DENND2B: variants seen among roughly 807,000 people sequenced by gnomAD.
DENND2B encodes DENN domain containing 2B, also known as DENN domain-containing protein 2B.
DENND2B carries 32 observed loss-of-function variants against 116.0 expected under a neutral mutation model. The observed-to-expected ratio is 0.28, with a 90% CI of 0.21 to 0.37. The LOEUF (loss-of-function observed/expected upper bound fraction) is 0.37. Among genes scored for constraint, DENND2B ranks in the 10% least tolerant of loss-of-function variants. DENND2B has a pLI of 1.00. For missense variants in DENND2B, 1,276 were observed against 1,477.7 expected, an observed-to-expected ratio of 0.86 and a Z score of 2.24; for synonymous variants, 588 against 583.9, an observed-to-expected ratio of 1.01 and a Z score of -0.10.
chr11:8,787,686 T>G (rs2059036692), intron 1 of DENND2B, among the ~76,000 whole-genome samples: 1 of 152,256 alleles, frequency 6.6e-6, no homozygotes, highest in African/African-American at 2.4e-5. Flanking sequence ...GACTCCTGTT[T>G]GCTTCAGAAT....
chr11:8,739,007 C>G (rs945230833), intron 2 of DENND2B, among the ~76,000 whole-genome samples: 2 of 152,338 alleles, frequency 1.3e-5, no homozygotes, highest in Admixed American at 1.3e-4. Flanking sequence ...CCTTACTAGA[C>G]TATGAGTGAG....
At chr11:8,894,655 C>T (rs2064077117) in intron 1 of DENND2B, among the ~76,000 whole-genome samples, 1 of 152,096 alleles carries the variant, frequency 6.6e-6, no homozygotes, top group East Asian at 1.9e-4. Flanking sequence ...AAAATGCTCA[C>T]CATCACTGGC....
intron 1 of DENND2B, among the ~76,000 whole-genome samples, chr11:8,797,204 G>A (rs539621547): frequency 6.6e-6 from 1 of 152,212 alleles, no homozygotes; most frequent in East Asian, 1.9e-4. Flanking sequence ...ATCATTGTAA[G>A]GATTTACTAA....
At chr11:8,796,216 A>G (rs1457499399) in intron 1 of DENND2B, among the ~76,000 whole-genome samples, 1 of 152,178 alleles carries the variant, frequency 6.6e-6, no homozygotes, top group East Asian at 1.9e-4. Context: ...TTCACTACTG[A>G]TAGAATCCAA....
In DENND2B at chr11:8,730,527, G is replaced by A. The variant is rs777038380; in HGVS notation, c.763C>T (p.Arg255Trp). Residue 255 changes from arginine to tryptophan, a missense_variant, in exon 3 of 20, where the codon CGG (arginine) becomes TGG (tryptophan). By Grantham distance (101) the Arg-to-Trp change is moderately radical. Around this residue, in one of 2 missense-constraint regions of DENND2B, gnomAD observed 856 missense variants for 846.6 expected, o/e 1.01. Coordinates refer to ENST00000313726, the MANE Select transcript of DENND2B (RefSeq NM_213618.2). The surrounding 1 kb of genome is among the most constrained non-coding windows in gnomAD (Gnocchi z 4.1). ...EALPVRDSFY[R>W]LEKRLGRSEP... ...CTCCGGCCCAGCCGTTTCTCCAGCCGGTAGAAAGAGTCCCGGACAGGGAGC... is the reference window on the plus strand; with the variant it reads ...CTCCGGCCCAGCCGTTTCTCCAGCCAGTAGAAAGAGTCCCGGACAGGGAGC... The A allele has an allele frequency of 8.7e-6, 14 of 1,612,994 alleles. No individual in the cohort carries two copies. The highest frequency in any genetic ancestry group is 8.0e-5 in the African/African-American group (6 of 74,938).
Position 8,778,200 on chromosome 11 carries a change from T to C in DENND2B, c.-25-27475A>G, listed in dbSNP as rs118128143. Among the ~76,000 whole-genome samples the C allele has an allele frequency of 4.5e-4, 68 of 152,292 alleles. No homozygotes were observed. The East Asian group carries it at 0.013, about 28-fold the overall frequency. ...GGCCCTTGGATCACCAGCAACTAGC[T>C]CGAAAGAGTCTGCCTAATGAGGACT... On this transcript the variant is annotated intron_variant, in intron 1 of 19. Transcript: ENST00000313726.
chr11:8,821,328 C>T (rs916896818), intron 4 of DENND2B, among the ~76,000 whole-genome samples: 2 of 150,572 alleles, frequency 1.3e-5, no homozygotes, highest in African/African-American at 2.4e-5. Flanking sequence ...CTGGCTCACA[C>T]CAGTAATCCC....
intron 1 of DENND2B, chr11:8,784,050 GGTGAGCGAAGTGT>G (rs2058654192): frequency 6.6e-6 from 1 of 152,174 alleles, no homozygotes; most frequent in South Asian, 2.1e-4. Flanking sequence ...CAGCTCCTTT[GGTGAGCGAAGTGT>G]GTGAGCGAAG....
chr11:8,876,426 G>C (rs2063841872), intron 2 of DENND2B, among the ~76,000 whole-genome samples: 1 of 151,980 alleles, frequency 6.6e-6, no homozygotes, highest in African/African-American at 2.4e-5. Flanking sequence ...ACCATGCAGT[G>C]CCTTTTGTTC....
At chr11:8,859,644 T>C (rs1470199815) in intron 2 of DENND2B, among the ~76,000 whole-genome samples, 1 of 152,218 alleles carries the variant, frequency 6.6e-6, no homozygotes, top group Non-Finnish European at 1.5e-5. Flanking sequence ...GATTATATCA[T>C]GTATATTTCA....
chr11:8,702,907 C>A lies in DENND2B; in HGVS notation c.2572-187G>T. 2 of 720,154 alleles carry A rather than the reference C, an allele frequency of 2.8e-6. No individual in the cohort carries two copies. The highest frequency in any genetic ancestry group is 4.4e-6 in the Non-Finnish European group (2 of 456,402). The allele number at this position is 720,154 out of a possible 1,614,324, so 44.6% of individuals were successfully genotyped here. Reference sequence around the variant, plus strand: ...ACTACAGCTCTGCTCTCGTAGCACTCGAACACCCAGCCTGTGGGCAAGAGG... The same window carrying A: ...ACTACAGCTCTGCTCTCGTAGCACTAGAACACCCAGCCTGTGGGCAAGAGG... On this transcript the variant is annotated intron_variant, in intron 13 of 19. Coordinates refer to ENST00000313726, the MANE Select transcript of DENND2B (RefSeq NM_213618.2). This position sits in a 1 kb window ranked among gnomAD's most constrained non-coding sequence, Gnocchi z 4.6.
intron 14 of DENND2B, chr11:8,700,069 G>GC: frequency 6.6e-6 from 3 of 451,838 alleles, no homozygotes; most frequent in South Asian, 3.1e-5. Context: ...TGGCCTGGGG[G>GC]GGGGCAGGGT....
In DENND2B at chr11:8,790,182, C is replaced by T. The variant is rs141976863; in HGVS notation, c.-26+20335G>A. 2.4e-4 allele frequency among the ~76,000 whole-genome samples: 36 copies of T among 152,318 alleles called. 1 individual carries two copies. Among genetic ancestry groups the T allele is most frequent in the African/African-American group, 7.9e-4 (33 of 41,572 alleles). ...CCTGCCCTGTCTCCTTATAAAGGAA[C>T]TATGCCTCCTTCAAAATCTGTACCA... On this transcript the variant is annotated intron_variant, in intron 1 of 19. Transcript: ENST00000313726.
At chr11:8,881,815 G>T (rs1015483001) in intron 1 of DENND2B, among the ~76,000 whole-genome samples, 1 of 152,176 alleles carries the variant, frequency 6.6e-6, no homozygotes, top group African/African-American at 2.4e-5. Flanking sequence ...AAAGCGCTGG[G>T]ATTACAGGCG....
chr11:8,698,897 C>T (rs748785268), intron 16 of DENND2B, 36 bp downstream of exon 16: 1 of 1,613,568 alleles, frequency 6.2e-7, no homozygotes, highest in Non-Finnish European at 8.5e-7. Context: ...GCAGGGTGCT[C>T]AGGAGCCCAA....
chr11:8,833,270 C>G (rs1276335640), intron 4 of DENND2B, among the ~76,000 whole-genome samples: 1 of 152,158 alleles, frequency 6.6e-6, no homozygotes, highest in South Asian at 2.1e-4. Context: ...AGGATAAGCA[C>G]AGGAGAAGGA....
intron 16 of DENND2B, chr11:8,697,920 G>A (rs1438350533): frequency 2.0e-6 from 1 of 500,024 alleles, no homozygotes; most frequent in Non-Finnish European, 3.8e-6. Flanking sequence ...TTGAGCCCAG[G>A]AGGGAGTTCG....
Position 8,695,509 on chromosome 11 carries a change from G to A in DENND2B, c.3333C>T (p.Leu1111=). The change falls in exon 19 of 20, where the codon CTC becomes CTT. Residue 1111 remains leucine (L), a synonymous_variant. Transcript: ENST00000313726. Reference sequence around the variant, plus strand: ...TCATTCCACTCTGCTCAGTGTCTGGGAGTTCTTCTAAGTACTGCTCCACTC... The same window carrying A: ...TCATTCCACTCTGCTCAGTGTCTGGAAGTTCTTCTAAGTACTGCTCCACTC... ...EQRVEQYLEE[L]PDTEQSGMNK... 1.2e-6 allele frequency: 2 copies of A among 1,613,962 alleles called. No homozygotes were observed. The highest frequency in any genetic ancestry group is 1.7e-6 in the Non-Finnish European group (2 of 1,180,030).
At chr11:8,774,365 A>G (rs531116278) in intron 1 of DENND2B, 1 of 973,552 alleles carries the variant, frequency 1.0e-6, no homozygotes, top group Non-Finnish European at 1.2e-6. Flanking sequence ...CTTTGTTGAC[A>G]GAAACATGTT....
Sources: allele counts gnomAD v4.1 joint callset (sites outside exome capture counted in the v4.1 genomes callset), GRCh38; gene constraint gnomAD v4.1.1; regional missense constraint gnomAD v4.1.1; non-coding constraint Gnocchi (gnomAD v3.1); transcripts MANE v1.5; gene names NCBI Gene and HGNC (gene_info 2026-07-23, HGNC 2026-07-21).